The following PKHD1 variants were observed in gnomAD, a reference collection of about 807,000 sequenced individuals.
PKHD1 encodes the protein PKHD1 ciliary IPT domain containing fibrocystin/polyductin.
PKHD1 carries 291 observed loss-of-function variants against 412.0 expected under a neutral mutation model. The ratio of observed to expected loss-of-function variants is 0.71; its 90% CI spans 0.64 to 0.78. PKHD1 has a LOEUF of 0.78. PKHD1 is among the 30% of genes least tolerant of loss of function. PKHD1 has a pLI of 0.00. For synonymous variants in PKHD1, 1,777 were observed against 1,821.5 expected, an observed-to-expected ratio of 0.98 and a Z score of 0.62; for missense variants, 4,825 against 4,950.7, an observed-to-expected ratio of 0.97 and a Z score of 0.76.
At chr6:51,903,030 A>T (rs1274506020) in intron 43 of PKHD1, among the ~76,000 whole-genome samples, 2 of 152,170 alleles carry the variant, frequency 1.3e-5, no homozygotes, top group Non-Finnish European at 2.9e-5. Context: ...GAATCAAGTG[A>T]GACAAAAATC....
intron 52 of PKHD1, among the ~76,000 whole-genome samples, chr6:51,805,476 G>C (rs1371662598): frequency 1.3e-5 from 2 of 152,112 alleles, no homozygotes; most frequent in South Asian, 4.1e-4. Context: ...AAACCTCAGC[G>C]TTATGTAATA....
chr6:51,729,780 A>T (rs1458399173), intron 60 of PKHD1, among the ~76,000 whole-genome samples: 1 of 152,232 alleles, frequency 6.6e-6, no homozygotes, highest in Non-Finnish European at 1.5e-5. Flanking sequence ...AGCAGTGGTC[A>T]TTATTGCCTT....
At chr6:51,953,618 T>G (rs1488458854) in intron 36 of PKHD1, among the ~76,000 whole-genome samples, 2 of 149,242 alleles carry the variant, frequency 1.3e-5, no homozygotes, top group Non-Finnish European at 3.0e-5. Flanking sequence ...CTGTGATAGG[T>G]TCATCATTTA....
In PKHD1 at chr6:51,911,706, T is replaced by C; in HGVS notation, c.6490+93A>G. On this transcript the variant is annotated intron_variant, in intron 39 of 66. Transcript: ENST00000371117. Reference sequence around the variant, plus strand: ...CAAAGTTTAAGGGCTTATTCTATTTTAAAAGAGGTCAACCACAGCAATGCC... The same window carrying C: ...CAAAGTTTAAGGGCTTATTCTATTTCAAAAGAGGTCAACCACAGCAATGCC... 11 of 1,134,830 alleles carry C rather than the reference T, an allele frequency of 9.7e-6. No individual in the cohort carries two copies. The South Asian group carries it at 1.1e-4, about 11-fold the overall frequency. The allele number at this position is 1,134,830 out of a possible 1,614,324, so 70.3% of individuals were successfully genotyped here.
In PKHD1 at chr6:52,025,532, C is replaced by G. The variant is rs745566730; in HGVS notation, c.4278G>C (p.Ser1426=). The G allele has an allele frequency of 6.2e-7, 1 of 1,614,102 alleles. No individual in the cohort carries two copies. The change falls in exon 32 of 67, where the codon TCG becomes TCC. Residue 1426 remains serine, a synonymous_variant. Transcript: ENST00000371117. The part of the protein sequence containing the change: ...SRRRSVRVDL[S]GPFTCVILSL... ...TCAAAATCACACAAGTAAAAGGACC[C>G]GAGAGGTCAACCCGAACTGACCTCC...
At chr6:51,869,608 T>C (rs367792060) in intron 47 of PKHD1, among the ~76,000 whole-genome samples, 2 of 151,858 alleles carry the variant, frequency 1.3e-5, no homozygotes, top group Non-Finnish European at 2.9e-5. Context: ...TTCATAGGAG[T>C]AGTGTGATTT....
rs561116474 is a variant in PKHD1, at chr6:51,746,670, A to C, written c.9998+51T>G. The C allele has an allele frequency of 3.2e-4, 370 of 1,149,172 alleles. 4 individuals carry two copies. In the South Asian group the frequency reaches 4.2e-3, roughly 13 times the overall value. The allele number at this position is 1,149,172 out of a possible 1,614,324, so 71.2% of individuals were successfully genotyped here. On this transcript the variant is annotated intron_variant, in intron 59 of 66. Transcript: ENST00000371117. ...AAAAAACATGTTTAGGGTTTGAAGAATTGCCAAGTACTTCATAAATATGGC... is the reference window on the plus strand; with the variant it reads ...AAAAAACATGTTTAGGGTTTGAAGACTTGCCAAGTACTTCATAAATATGGC...
At chr6:52,057,017 C>T (rs199601270) in intron 16 of PKHD1, 38 bp from the exon 17 acceptor site, 1 of 1,316,268 alleles carries the variant, frequency 7.6e-7, no homozygotes, top group South Asian at 1.2e-5. Flanking sequence ...AATGATGGTG[C>T]TAATTAAGCC....
intron 43 of PKHD1, among the ~76,000 whole-genome samples, chr6:51,887,713 C>G (rs1243678935): frequency 6.6e-6 from 1 of 152,190 alleles, no homozygotes; most frequent in Non-Finnish European, 1.5e-5. Context: ...TCCCTGAGAC[C>G]TGAGACCTCC....
chr6:51,825,877 C>A (rs995607896), intron 52 of PKHD1, among the ~76,000 whole-genome samples: 3 of 151,986 alleles, frequency 2.0e-5, no homozygotes, highest in African/African-American at 7.3e-5. Flanking sequence ...GGGTGGTGGG[C>A]TTTACTGCTT....
intron 35 of PKHD1, among the ~76,000 whole-genome samples, chr6:51,990,074 CT>C (rs1309199841): frequency 6.7e-6 from 1 of 150,350 alleles, no homozygotes; most frequent in African/African-American, 2.5e-5. Context: ...GAGCTAGATC[CT>C]TTTTTTCTCA....
chr6:51,797,713 C>T (rs1476512593), intron 52 of PKHD1, among the ~76,000 whole-genome samples: 2 of 152,108 alleles, frequency 1.3e-5, no homozygotes, highest in African/African-American at 4.8e-5. Flanking sequence ...TGAGATAGGA[C>T]TCTTGAAGAC....
At chr6:51,802,247 A>G (rs1019516103) in intron 52 of PKHD1, among the ~76,000 whole-genome samples, 2 of 147,440 alleles carry the variant, frequency 1.4e-5, no homozygotes, top group African/African-American at 5.4e-5. Context: ...AACAACAACA[A>G]CAACAATCAA....
intron 60 of PKHD1, among the ~76,000 whole-genome samples, chr6:51,726,787 TA>T (rs1435590609): frequency 2.0e-5 from 3 of 152,182 alleles, no homozygotes; most frequent in Admixed American, 2.0e-4. Flanking sequence ...TTATTTCAAC[TA>T]AGACTAAGGT....
rs769908839 is a variant in PKHD1 at position 52,084,980 on chromosome 6, G to T, written c.-47C>A. On this transcript the variant is annotated 5_prime_UTR_variant, in exon 2 of 67. Coordinates refer to ENST00000371117, the MANE Select transcript of PKHD1 (RefSeq NM_138694.4). ...TCTTAAGATTGCTCAGACATTAAAA[G>T]CATTTTCAGTTTTGATTGGAGCAGC... is the stretch of plus-strand genomic sequence containing the variant. The T allele has an allele frequency of 1.6e-5, 21 of 1,315,278 alleles. No homozygotes were observed. Among genetic ancestry groups the T allele is most frequent in the Non-Finnish European group, 2.2e-5 (20 of 907,370 alleles). The allele number at this position is 1,315,278 out of a possible 1,614,324, so 81.5% of individuals were successfully genotyped here.
intron 27 of PKHD1, among the ~76,000 whole-genome samples, chr6:52,039,127 G>A (rs147447649): frequency 6.6e-6 from 1 of 152,180 alleles, no homozygotes; most frequent in African/African-American, 2.4e-5. Context: ...CACATGAAAA[G>A]ATATTCAACA....
intron 8 of PKHD1, among the ~76,000 whole-genome samples, chr6:52,071,738 G>A (rs1303301223): frequency 6.6e-6 from 1 of 152,136 alleles, no homozygotes; most frequent in Non-Finnish European, 1.5e-5. Context: ...GAGACCTTGT[G>A]CAAGTTACTT....
At chr6:51,950,893 G>T (rs1489107929) in intron 36 of PKHD1, among the ~76,000 whole-genome samples, 1 of 152,140 alleles carries the variant, frequency 6.6e-6, no homozygotes, top group Non-Finnish European at 1.5e-5. Flanking sequence ...AAGTTGAATT[G>T]CTCCTCCGGG....
At chr6:51,881,434 C>T (rs1358197525) in intron 46 of PKHD1, among the ~76,000 whole-genome samples, 3 of 152,134 alleles carry the variant, frequency 2.0e-5, no homozygotes, top group African/African-American at 7.2e-5. Context: ...CATTACATCT[C>T]TGGATTTGTT....
Sources: allele counts gnomAD v4.1 joint callset (sites outside exome capture counted in the v4.1 genomes callset), GRCh38; gene constraint gnomAD v4.1.1; transcripts MANE v1.5; gene names NCBI Gene and HGNC (gene_info 2026-07-23, HGNC 2026-07-21).